LRP1B: variants seen among roughly 807,000 people sequenced by gnomAD.
The protein encoded by LRP1B is LDL receptor related protein 1B.
A neutral mutation model predicts 556.6 loss-of-function variants in LRP1B; 217 were observed. The ratio of observed to expected loss-of-function variants is 0.39; its 90% CI spans 0.35 to 0.44. The LOEUF (loss-of-function observed/expected upper bound fraction) is 0.44. Ranked by LOEUF, LRP1B falls within the 20% of genes least tolerant of loss-of-function variation. The probability of loss-of-function intolerance (pLI) is 1.00; values close to 1 mark genes in which losing one functional copy is unlikely to be tolerated. For synonymous variants in LRP1B, 2,047 were observed against 1,865.8 expected, an observed-to-expected ratio of 1.10 and a Z score of -2.50; for missense variants, 5,053 against 5,620.8, an observed-to-expected ratio of 0.90 and a Z score of 3.23.
chr2:141,183,166 CT>C lies in LRP1B; in HGVS notation c.1013+5254del, dbSNP rs140822795. 3.9e-3 allele frequency among the ~76,000 whole-genome samples: 592 copies of C among 152,098 alleles called. 4 individuals are homozygous for C. Among genetic ancestry groups the C allele is most frequent in the African/African-American group, 0.013 (541 of 41,526 alleles). ...TAGCCAAATGTCTGTAACATTTTCACTTATGTCCTACTGCAAGTGCATTAGT... is the reference window on the plus strand; with the variant it reads ...TAGCCAAATGTCTGTAACATTTTCACTATGTCCTACTGCAAGTGCATTAGT... On this transcript the variant is annotated intron_variant, in intron 7 of 90. Transcript: ENST00000389484.
intron 11 of LRP1B, among the ~76,000 whole-genome samples, chr2:141,031,562 A>C (rs1014858860): frequency 6.6e-6 from 1 of 151,966 alleles, no homozygotes; most frequent in Non-Finnish European, 1.5e-5. Flanking sequence ...TGCCAAAATA[A>C]TTAAATATGT....
At chr2:140,336,798 G>A (rs1450903544) in intron 77 of LRP1B, among the ~76,000 whole-genome samples, 1 of 151,830 alleles carries the variant, frequency 6.6e-6, no homozygotes, top group Non-Finnish European at 1.5e-5. Flanking sequence ...CTTATTTTCT[G>A]TGCCCTTCAA....
intron 66 of LRP1B, among the ~76,000 whole-genome samples, chr2:140,391,035 TAAAAATA>T (rs1375599723): frequency 6.6e-6 from 1 of 152,018 alleles, no homozygotes; most frequent in East Asian, 1.9e-4. Context: ...ATTCACCCAA[TAAAAATA>T]AAAGTAAATA....
chr2:141,470,738 A>G (rs1240281413), intron 3 of LRP1B, among the ~76,000 whole-genome samples: 1 of 152,162 alleles, frequency 6.6e-6, no homozygotes, highest in Non-Finnish European at 1.5e-5. Context: ...AATGAATCAT[A>G]CGGGATTTGG....
At chr2:140,808,616 G>T (rs769226443) in intron 32 of LRP1B, among the ~76,000 whole-genome samples, 8 of 151,998 alleles carry the variant, frequency 5.3e-5, no homozygotes, top group Non-Finnish European at 1.2e-4. Flanking sequence ...TCTGCTTTAT[G>T]GTCTGTCTTC....
intron 3 of LRP1B, among the ~76,000 whole-genome samples, chr2:141,358,262 C>T (rs1688695580): frequency 1.3e-5 from 2 of 152,078 alleles, no homozygotes; most frequent in Admixed American, 1.3e-4. Context: ...GTGAAGCTAC[C>T]TCAAAATTTG....
chr2:140,590,877 A>C (rs1682195563), intron 43 of LRP1B, among the ~76,000 whole-genome samples: 1 of 152,162 alleles, frequency 6.6e-6, no homozygotes, highest in African/African-American at 2.4e-5. Flanking sequence ...TAAAGTGTTC[A>C]CTCTACGCTT....
intron 27 of LRP1B, among the ~76,000 whole-genome samples, chr2:140,861,508 C>T (rs1011853643): frequency 6.6e-5 from 10 of 152,250 alleles, no homozygotes; most frequent in African/African-American, 2.4e-4. Context: ...GAGAAACAAA[C>T]TAATACTAAT....
At chr2:141,037,677 T>A (rs1413810471) in intron 11 of LRP1B, among the ~76,000 whole-genome samples, 1 of 151,966 alleles carries the variant, frequency 6.6e-6, no homozygotes, top group Non-Finnish European at 1.5e-5. Flanking sequence ...TTCTGGCAGA[T>A]AAATATCTTT....
intron 6 of LRP1B, among the ~76,000 whole-genome samples, chr2:141,208,656 A>G (rs1013514946): frequency 6.6e-6 from 1 of 151,992 alleles, no homozygotes; most frequent in Non-Finnish European, 1.5e-5. Context: ...TCACGAGGTC[A>G]GGAGATGGAG....
chr2:141,474,059 C>CCCTTCCTTT (rs1559091699), intron 3 of LRP1B, among the ~76,000 whole-genome samples: 1 of 51,250 alleles, frequency 2.0e-5, no homozygotes, highest in Non-Finnish European at 5.5e-5. Flanking sequence ...CTTCCTTCCT[C>CCCTTCCTTT]CCTCCCTCCC....
intron 3 of LRP1B, among the ~76,000 whole-genome samples, chr2:141,465,656 C>T (rs1447519918): frequency 6.7e-6 from 1 of 150,180 alleles, no homozygotes; most frequent in East Asian, 2.0e-4. Flanking sequence ...CTCAAGCCAT[C>T]CTCCCACCTC....
intron 41 of LRP1B, among the ~76,000 whole-genome samples, chr2:140,663,552 AGCTTCCTCACTTCTCTC>A (rs1685168777): frequency 6.6e-6 from 1 of 152,202 alleles, no homozygotes; most frequent in Non-Finnish European, 1.5e-5. Flanking sequence ...TAACTTTTGC[AGCTTCCTCACTTCTCTC>A]GGACTTCATA....
chr2:142,126,890 G>C (rs1390890056), intron 1 of LRP1B, among the ~76,000 whole-genome samples: 1 of 151,682 alleles, frequency 6.6e-6, no homozygotes, highest in Admixed American at 6.6e-5. Context: ...GATTTTTATG[G>C]TATCCCCTGG....
intron 77 of LRP1B, among the ~76,000 whole-genome samples, chr2:140,349,517 T>C (rs1487665605): frequency 6.6e-6 from 1 of 151,798 alleles, no homozygotes; most frequent in East Asian, 1.9e-4. Flanking sequence ...ATTAGTTGTA[T>C]GTAATTATAT....
In LRP1B at chr2:141,897,196, CA is replaced by C. The variant is rs530786213; in HGVS notation, c.83-86796del. 2.0e-3 allele frequency among the ~76,000 whole-genome samples: 304 copies of C among 151,102 alleles called. 1 individual carries two copies. Among genetic ancestry groups the C allele is most frequent in the African/African-American group, 4.8e-3 (196 of 41,188 alleles). On this transcript the variant is annotated intron_variant, in intron 1 of 90. Transcript: ENST00000389484. ...AGTCTAAGTAGCTGTCTATTCTCAC[CA>C]AAAAAAGACACACTGTAAAGGTCAT...
intron 43 of LRP1B, among the ~76,000 whole-genome samples, chr2:140,590,110 A>T (rs1219411073): frequency 6.6e-6 from 1 of 151,920 alleles, no homozygotes; most frequent in Non-Finnish European, 1.5e-5. Flanking sequence ...ATAAGCACAA[A>T]TGCATATGTC....
intron 20 of LRP1B, among the ~76,000 whole-genome samples, chr2:140,931,531 T>G (rs1312860909): frequency 1.3e-5 from 2 of 151,804 alleles, no homozygotes; most frequent in Admixed American, 1.3e-4. Context: ...ACTGTTTGAG[T>G]CAGTTAGAAA....
intron 7 of LRP1B, among the ~76,000 whole-genome samples, chr2:141,067,276 TA>T (rs1236619973): frequency 1.3e-5 from 2 of 152,006 alleles, no homozygotes; most frequent in Non-Finnish European, 2.9e-5. Flanking sequence ...GTCTTTGAAA[TA>T]AAAGGTTTAA....
Sources: allele counts gnomAD v4.1 joint callset (sites outside exome capture counted in the v4.1 genomes callset), GRCh38; gene constraint gnomAD v4.1.1; transcripts MANE v1.5; gene names NCBI Gene and HGNC (gene_info 2026-07-23, HGNC 2026-07-21).